The following SSBP3 variants were observed in gnomAD, a reference collection of about 807,000 sequenced individuals.
SSBP3 encodes single stranded DNA binding protein 3.
In SSBP3, 5 loss-of-function variants were observed where a neutral mutation model predicts 69.6. That is an observed-to-expected ratio of 0.07 (90% CI 0.04 to 0.15). The LOEUF (loss-of-function observed/expected upper bound fraction) is 0.15, where lower values mean the gene tolerates loss of function less well. SSBP3 is among the 10% of genes least tolerant of loss of function. The pLI, the probability that SSBP3 is intolerant of heterozygous loss-of-function variation, is 1.00. For missense variants in SSBP3, 312 were observed against 534.0 expected, an observed-to-expected ratio of 0.58 and a Z score of 4.10; for synonymous variants, 196 against 193.4, an observed-to-expected ratio of 1.01 and a Z score of -0.11.
chr1:54,303,101 C>T (rs1645832861), intron 4 of SSBP3, among the ~76,000 whole-genome samples: 1 of 152,176 alleles, frequency 6.6e-6, no homozygotes, highest in Non-Finnish European at 1.5e-5. Flanking sequence ...CAATTAGAGA[C>T]AAGAGCGAGG....
chr1:54,314,166 G>A (rs1433632403), intron 4 of SSBP3, among the ~76,000 whole-genome samples: 2 of 152,202 alleles, frequency 1.3e-5, no homozygotes, highest in Admixed American at 1.3e-4. Flanking sequence ...GAGCAGAGTT[G>A]GGGCCAGCAC....
chr1:54,307,117 C>G (rs1448784984), intron 4 of SSBP3, among the ~76,000 whole-genome samples: 1 of 152,204 alleles, frequency 6.6e-6, no homozygotes, highest in Non-Finnish European at 1.5e-5. Flanking sequence ...CTCAGTCAGA[C>G]TGTGCTCCCT....
intron 4 of SSBP3, among the ~76,000 whole-genome samples, chr1:54,401,399 C>G (rs1031223059): frequency 6.6e-6 from 1 of 152,094 alleles, no homozygotes; most frequent in African/African-American, 2.4e-5. Context: ...CACACACACA[C>G]ACACCCATAA....
At chr1:54,394,847 C>T (rs1373304375) in intron 4 of SSBP3, among the ~76,000 whole-genome samples, 1 of 151,720 alleles carries the variant, frequency 6.6e-6, no homozygotes, top group Non-Finnish European at 1.5e-5. Flanking sequence ...GGACTACAGG[C>T]GCCTGCCACT....
chr1:54,265,337 T>C (rs1645083351), intron 5 of SSBP3, among the ~76,000 whole-genome samples: 1 of 152,072 alleles, frequency 6.6e-6, no homozygotes, highest in Non-Finnish European at 1.5e-5. Context: ...GTAGGGTGTG[T>C]ATGTGTGTGT....
At chr1:54,314,274 C>A (rs1646057875) in intron 4 of SSBP3, among the ~76,000 whole-genome samples, 1 of 152,182 alleles carries the variant, frequency 6.6e-6, no homozygotes, top group South Asian at 2.1e-4. Flanking sequence ...CAAGACACAC[C>A]AAGGAAGTGT....
At chr1:54,241,054 C>A in intron 12 of SSBP3, 95 bp from the exon 13 acceptor site, 2 of 1,365,846 alleles carry the variant, frequency 1.5e-6, no homozygotes, top group South Asian at 2.7e-5. Context: ...AGCAACTGCT[C>A]GCCCCAGGCC....
Position 54,233,148 on chromosome 1 carries a change from C to T in SSBP3, c.928-4322G>A, listed in dbSNP as rs539992720. 4.4e-3 allele frequency among the ~76,000 whole-genome samples: 672 copies of T among 151,090 alleles called. 4 individuals are homozygous for T. Among genetic ancestry groups the T allele is most frequent in the Middle Eastern group, 0.021 (6 of 286 alleles). On this transcript the variant is annotated intron_variant, in intron 14 of 17. Coordinates refer to ENST00000610401, the Ensembl canonical transcript of SSBP3. ...CTAGGAAGTGAGGAGCGCCTCTTCC[C>T]GGCCGCCATCACATCTAGGAAGTGA...
intron 5 of SSBP3, among the ~76,000 whole-genome samples, chr1:54,276,994 C>G (rs1215691617): frequency 6.6e-6 from 1 of 152,170 alleles, no homozygotes; most frequent in Non-Finnish European, 1.5e-5. Flanking sequence ...CTGTCAGTCT[C>G]TCTGCTAGGC....
intron 4 of SSBP3, among the ~76,000 whole-genome samples, chr1:54,389,381 G>A (rs147211437): frequency 1.3e-5 from 2 of 152,028 alleles, no homozygotes; most frequent in African/African-American, 2.4e-5. Context: ...CTTCCTGGAC[G>A]AGGTCATTAA....
chr1:54,361,518 C>A (rs1402393732), intron 4 of SSBP3, among the ~76,000 whole-genome samples: 1 of 152,106 alleles, frequency 6.6e-6, no homozygotes, highest in East Asian at 1.9e-4. Flanking sequence ...AGAAACACTG[C>A]CCCCAATAGA....
At chr1:54,383,922 C>T (rs1473496544) in intron 4 of SSBP3, among the ~76,000 whole-genome samples, 1 of 152,016 alleles carries the variant, frequency 6.6e-6, no homozygotes, top group Non-Finnish European at 1.5e-5. Context: ...CCAGCTAACA[C>T]AGCAAAACCC....
intron 3 of SSBP3, among the ~76,000 whole-genome samples, chr1:54,402,440 G>A (rs547282753): frequency 7.2e-5 from 11 of 152,272 alleles, no homozygotes; most frequent in African/African-American, 2.4e-4. Context: ...ATTCATATAT[G>A]CCGCGATTTG....
intron 4 of SSBP3, among the ~76,000 whole-genome samples, chr1:54,336,971 G>A (rs1327796811): frequency 6.6e-6 from 1 of 152,208 alleles, no homozygotes; most frequent in African/African-American, 2.4e-5. Context: ...ACTCTGGATG[G>A]AGGAATGCAC....
In SSBP3 at chr1:54,240,636, T is replaced by C. The variant is rs572010000; in HGVS notation, c.856+269A>G. 4.6e-5 allele frequency among the ~76,000 whole-genome samples: 7 copies of C among 151,994 alleles called. No homozygotes were observed. In the South Asian group the frequency reaches 1.5e-3, roughly 32 times the overall value. ...GGGGAAATGCCCACCCTGAACAGGG[T>C]TCTTCCCAACAAAAGGGATTCAAAG... On this transcript the variant is annotated intron_variant, in intron 13 of 17. Coordinates refer to ENST00000610401, the Ensembl canonical transcript of SSBP3.
chr1:54,368,855 G>C (rs7553843), intron 4 of SSBP3, among the ~76,000 whole-genome samples: 77,727 of 152,002 alleles, frequency 0.51, 20,800 homozygotes, highest in African/African-American at 0.67. Flanking sequence ...GAATCTTCAG[G>C]CAAGTCGTCT....
rs529548895 is a variant in SSBP3 at position 54,258,680 on chromosome 1, G to A, written c.367-531C>T. 3.6e-4 allele frequency among the ~76,000 whole-genome samples: 55 copies of A among 152,292 alleles called. No individual in the cohort carries two copies. Among genetic ancestry groups the A allele is most frequent in the African/African-American group, 1.2e-3 (50 of 41,550 alleles). On this transcript the variant is annotated intron_variant, in intron 5 of 17. Coordinates refer to ENST00000610401, the Ensembl canonical transcript of SSBP3. The surrounding 1 kb of genome is among the most constrained non-coding windows in gnomAD (Gnocchi z 4.5). ...AGTGTCAGGGAGAGGCCCAGGCGACGGGTTTCCTGGGGGCAGGAGGGCCGG... is the reference window on the plus strand; with the variant it reads ...AGTGTCAGGGAGAGGCCCAGGCGACAGGTTTCCTGGGGGCAGGAGGGCCGG...
chr1:54,264,968 G>A (rs1645076944), intron 5 of SSBP3, among the ~76,000 whole-genome samples: 1 of 152,210 alleles, frequency 6.6e-6, no homozygotes, highest in Admixed American at 6.5e-5. Flanking sequence ...TGTTAGGTGT[G>A]TTGCTTTAAT....
At chr1:54,384,796 C>T (rs534539259) in intron 4 of SSBP3, among the ~76,000 whole-genome samples, 8 of 152,294 alleles carry the variant, frequency 5.3e-5, no homozygotes, top group Non-Finnish European at 7.4e-5. Flanking sequence ...AGAAATATTC[C>T]GTTAAGTCCC....
Sources: gnomAD v4.1 joint callset for allele counts (sites outside exome capture counted in the v4.1 genomes callset) on GRCh38, gnomAD v4.1.1 for gene constraint, Gnocchi (gnomAD v3.1) non-coding constraint, MANE v1.5 for transcripts, NCBI Gene and HGNC (gene_info 2026-07-23, HGNC 2026-07-21) for gene names.